The following BEX3 variants were observed in gnomAD, a reference collection of about 807,000 sequenced individuals.
BEX3 encodes the protein protein BEX3.
BEX3 carries 1 observed loss-of-function variant against 6.1 expected under a neutral mutation model. The ratio of observed to expected loss-of-function variants is 0.16; its 90% CI spans 0.06 to 0.78. The LOEUF is 0.78. Among genes scored for constraint, BEX3 ranks in the 30% least tolerant of loss-of-function variants. The pLI is 0.75. For synonymous variants in BEX3, 33 were observed against 25.2 expected, an observed-to-expected ratio of 1.31 and a Z score of -0.93; for missense variants, 49 against 84.7, an observed-to-expected ratio of 0.58 and a Z score of 1.65.
In BEX3 at chrX:103,377,920, G is replaced by A; in HGVS notation, c.*93G>A. On this transcript the variant is annotated 3_prime_UTR_variant, in exon 3 of 3. Coordinates refer to ENST00000361298, the MANE Select transcript of BEX3 (RefSeq NM_206917.3). ...ATATGCCTTTACTGATCCGTTTGCT[G>A]TGAACCCTATGTTATTTCCATGTGT... 1.4e-6 allele frequency: 1 copy of A among 692,449 alleles called. No individual in the cohort carries two copies. The highest frequency in any genetic ancestry group is 2.2e-6 in the Non-Finnish European group (1 of 461,103). 57.1% of individuals were successfully genotyped at this position (692,449 alleles called of 1,213,427 possible). A position where few individuals can be genotyped will look rare whatever the true frequency, so the allele number is the denominator to read the frequency against.
In BEX3 at chrX:103,377,741, C is replaced by T. The variant is rs142315996; in HGVS notation, c.220C>T (p.Leu74=). ...AGAAATCAGAAGAAAACTTAGGGAG[C>T]TGCAGTTGAGGAATTGTCTGCGTAT... is the stretch of plus-strand genomic sequence containing the variant. ...MREIRRKLRE[L]QLRNCLRILM... Residue 74 remains leucine, a synonymous_variant, in exon 3 of 3, where the codon CTG becomes TTG. Coordinates refer to ENST00000361298, the MANE Select transcript of BEX3 (RefSeq NM_206917.3). 6 of 1,209,706 alleles carry T rather than the reference C, an allele frequency of 5.0e-6. No individual in the cohort carries two copies. Among genetic ancestry groups the T allele is most frequent in the Non-Finnish European group, 6.7e-6 (6 of 894,988 alleles).
rs367603204 is a variant in BEX3 at position 103,377,374 on chromosome X, A to T, written c.-12-136A>T. 288 of 851,499 alleles carry T rather than the reference A, an allele frequency of 3.4e-4. 2 individuals carry two copies. The African/African-American group carries it at 5.0e-3, about 15-fold the overall frequency. 70.2% of individuals were successfully genotyped at this position (851,499 alleles called of 1,213,427 possible). ...AGGTGGGAAAAAACGAAATTAAAAA[A>T]TCCTTTGATATCAGGGCTCTGAATC... On this transcript the variant is annotated intron_variant, in intron 2 of 2. Coordinates refer to ENST00000361298, the MANE Select transcript of BEX3 (RefSeq NM_206917.3).
At chrX:103,377,434 C>G (rs1602996818) in intron 2 of BEX3, 76 bp from the exon 3 acceptor site, 1 of 1,124,863 alleles carries the variant, frequency 8.9e-7, no homozygotes, top group African/African-American at 1.8e-5. Flanking sequence ...CAGTCTCTCT[C>G]CTTGCCTTTG....
intron 2 of BEX3, 107 bp downstream of exon 2, chrX:103,377,213 T>G: frequency 4.1e-6 from 1 of 242,997 alleles, no homozygotes. Flanking sequence ...CGGTCCTCCA[T>G]TTTGGTGCCT....
At chrX:103,377,462 G>GA in intron 2 of BEX3, 48 bp from the exon 3 acceptor site, 1 of 1,179,100 alleles carries the variant, frequency 8.5e-7, no homozygotes, top group Non-Finnish European at 1.1e-6. Flanking sequence ...TGTGTTCAAA[G>GA]AAAAACAACC....
chrX:103,377,289 G>A (rs1927261483), intron 2 of BEX3, among the ~76,000 whole-genome samples, 183 bp downstream of exon 2: 1 of 110,281 alleles, frequency 9.1e-6, no homozygotes, highest in Admixed American at 9.6e-5. Flanking sequence ...GAGGTAAGGG[G>A]AGAAAGCTGG....
Position 103,377,574 on chromosome X carries a change from A to G in BEX3, c.53A>G (p.Glu18Gly), listed in dbSNP as rs1012978968. 1 of 1,211,817 alleles carries G rather than the reference A, an allele frequency of 8.3e-7. No individual in the cohort carries two copies. The highest frequency in any genetic ancestry group is 1.1e-6 in the Non-Finnish European group (1 of 895,533). The change falls in exon 3 of 3, where the codon GAA becomes GGA. Residue 18 changes from glutamate (E) to glycine (G), a missense_variant. Physicochemically the swap from Glu to Gly is moderately conservative, Grantham distance 98. Transcript: ENST00000361298. ...GEEDRPLGGGEGHQPAGNRRG... is the reference protein window; with the variant it reads ...GEEDRPLGGGGGHQPAGNRRG... ...GAAGACCGCCCTTTGGGAGGAGGTG[A>G]AGGCCACCAGCCTGCAGGAAATCGA...
chrX:103,377,386 C>G (rs1927264920), intron 2 of BEX3, 124 bp from the exon 3 acceptor site: 1 of 912,829 alleles, frequency 1.1e-6, no homozygotes, highest in Admixed American at 3.1e-5. Flanking sequence ...CCTTTGATAT[C>G]AGGGCTCTGA....
Position 103,377,728 on chromosome X carries a change from A to G in BEX3, c.207A>G (p.Arg69=). 1 of 1,211,626 alleles carries G rather than the reference A, an allele frequency of 8.3e-7. No individual in the cohort carries two copies. Among genetic ancestry groups the G allele is most frequent in the Admixed American group, 2.2e-5 (1 of 46,065 alleles). The change falls in exon 3 of 3, where the codon AGA becomes AGG. Residue 69 remains arginine, a synonymous_variant. Transcript: ENST00000361298. ...IFMEEMREIR[R]KLRELQLRNC... ...TGGAGGAGATGAGAGAAATCAGAAG[A>G]AAACTTAGGGAGCTGCAGTTGAGGA...
rs1462979055 is a variant in BEX3, at chrX:103,376,567, C to T, written c.-138C>T. 2 of 751,643 alleles carry T rather than the reference C, an allele frequency of 2.7e-6. No homozygotes were observed. Among genetic ancestry groups the T allele is most frequent in the African/African-American group, 4.7e-5 (2 of 42,821 alleles). 61.9% of individuals were successfully genotyped at this position (751,643 alleles called of 1,213,427 possible). A position where few individuals can be genotyped will look rare whatever the true frequency, so the allele number is the denominator to read the frequency against. On this transcript the variant is annotated 5_prime_UTR_variant, in exon 1 of 3. Transcript: ENST00000361298. Reference sequence around the variant, plus strand: ...GCGTCTGGCTACCAGCTCCCCGCTGCCCTGAGCTCGGCGGGCTGGCATTCG... The same window carrying T: ...GCGTCTGGCTACCAGCTCCCCGCTGTCCTGAGCTCGGCGGGCTGGCATTCG...
intron 1 of BEX3, 53 bp downstream of exon 1, chrX:103,376,666 C>T (rs920673855): frequency 6.5e-6 from 4 of 615,287 alleles, no homozygotes; most frequent in African/African-American, 4.9e-5. Context: ...GGCTGACCGA[C>T]CTCGGCGACA....
Position 103,378,075 on chromosome X carries a change from C to G in BEX3, c.*248C>G, listed in dbSNP as rs1049284687. 2.9e-6 allele frequency: 1 copy of G among 340,599 alleles called. No homozygotes were observed. The highest frequency in any genetic ancestry group is 5.2e-6 in the Non-Finnish European group (1 of 192,090). The allele number at this position is 340,599 out of a possible 1,213,427, so 28.1% of individuals were successfully genotyped here. A position where few individuals can be genotyped will look rare whatever the true frequency, so the allele number is the denominator to read the frequency against. ...CTAATAAAGCAATTTAAAAAGCAAT[C>G]TATACATTTATTGTCTCATTAAAAA... On this transcript the variant is annotated 3_prime_UTR_variant, in exon 3 of 3. Coordinates refer to ENST00000361298, the MANE Select transcript of BEX3 (RefSeq NM_206917.3).
chrX:103,377,000 C>T (rs1174351649), intron 1 of BEX3, 28 bp from the exon 2 acceptor site: 1 of 134,126 alleles, frequency 7.5e-6, no homozygotes, highest in African/African-American at 3.2e-5. Flanking sequence ...CCCCACCCCC[C>T]ACAACCCCCA....
chrX:103,377,325 C>G (rs1569322061), intron 2 of BEX3, 185 bp from the exon 3 acceptor site: 4 of 530,494 alleles, frequency 7.5e-6, no homozygotes, highest in East Asian at 3.6e-5. Flanking sequence ...TTGGAGGCCC[C>G]GTAGAGGACG....
chrX:103,377,184 C>A (rs879050121), intron 2 of BEX3, 78 bp downstream of exon 2: 1 of 262,447 alleles, frequency 3.8e-6, no homozygotes, highest in South Asian at 1.0e-4. Context: ...CCCCTCCACC[C>A]CATCCCCCAC....
chrX:103,376,692 A>AG (rs1306650798), intron 1 of BEX3, 79 bp downstream of exon 1: 2 of 441,440 alleles, frequency 4.5e-6, no homozygotes, highest in East Asian at 1.9e-4. Flanking sequence ...AGAACAGCGC[A>AG]GGGGGTCCCC....
chrX:103,377,475 A>G (rs765228803), intron 2 of BEX3, 35 bp from the exon 3 acceptor site: 6 of 1,133,357 alleles, frequency 5.3e-6, no homozygotes, highest in South Asian at 4.2e-5. Context: ...AAACAACCAG[A>G]AAAAAAAAAT....
Position 103,377,079 on chromosome X carries a change from G to A in BEX3, c.-40G>A, listed in dbSNP as rs376359109. 2.6e-5 allele frequency: 8 copies of A among 312,737 alleles called. No homozygotes were observed. The East Asian group carries it at 9.7e-4, about 38-fold the overall frequency. 25.8% of individuals were successfully genotyped at this position (312,737 alleles called of 1,213,427 possible). On this transcript the variant is annotated 5_prime_UTR_variant, in exon 2 of 3. Transcript: ENST00000361298. ...CGCACCTCGCGGCGAGAATCCGGAGGAGAAGGAGACTGCAAGGATAGGCCC... is the reference window on the plus strand; with the variant it reads ...CGCACCTCGCGGCGAGAATCCGGAGAAGAAGGAGACTGCAAGGATAGGCCC...
chrX:103,377,454 T>C, intron 2 of BEX3, 56 bp from the exon 3 acceptor site: 1 of 1,171,093 alleles, frequency 8.5e-7, no homozygotes, highest in Non-Finnish European at 1.1e-6. Flanking sequence ...GTCTTACTTG[T>C]GTTCAAAGAA....
Sources: allele counts gnomAD v4.1 joint callset (sites outside exome capture counted in the v4.1 genomes callset), GRCh38; gene constraint gnomAD v4.1.1; transcripts MANE v1.5; gene names NCBI Gene and HGNC (gene_info 2026-07-23, HGNC 2026-07-21).